The following CCSER1 variants were observed in gnomAD, a reference collection of about 807,000 sequenced individuals.
CCSER1 encodes the protein serine-rich coiled-coil domain-containing protein 1.
Under a neutral mutation model 82.0 loss-of-function variants are expected in CCSER1, and 41 were observed. The ratio of observed to expected loss-of-function variants is 0.50; its 90% confidence interval spans 0.39 to 0.65. The LOEUF (loss-of-function observed/expected upper bound fraction) is 0.65, where lower values mean the gene tolerates loss of function less well. Ranked by LOEUF, CCSER1 falls within the 30% of genes least tolerant of loss-of-function variation. CCSER1 has a pLI of 0.00. For missense variants in CCSER1, 1,119 were observed against 1,064.2 expected, an observed-to-expected ratio of 1.05 and a Z score of -0.72; for synonymous variants, 414 against 383.9, an observed-to-expected ratio of 1.08 and a Z score of -0.92.
intron 9 of CCSER1, among the ~76,000 whole-genome samples, chr4:91,042,209 T>G (rs1742020173): frequency 6.6e-6 from 1 of 152,198 alleles, no homozygotes; most frequent in Non-Finnish European, 1.5e-5. Flanking sequence ...CCCATGATGT[T>G]CTTGTTATAG....
intron 8 of CCSER1, among the ~76,000 whole-genome samples, chr4:90,878,405 G>T (rs1004528186): frequency 6.6e-6 from 1 of 151,928 alleles, no homozygotes; most frequent in Non-Finnish European, 1.5e-5. Context: ...TAATTCATTT[G>T]TACCTCTATT....
At chr4:91,367,763 A>C (rs936025828) in intron 10 of CCSER1, among the ~76,000 whole-genome samples, 1 of 152,160 alleles carries the variant, frequency 6.6e-6, no homozygotes, top group African/African-American at 2.4e-5. Flanking sequence ...CATGTGATGA[A>C]TATCCCTTTG....
At chr4:90,530,124 T>A (rs541118781) in intron 5 of CCSER1, among the ~76,000 whole-genome samples, 1 of 152,066 alleles carries the variant, frequency 6.6e-6, no homozygotes, top group Non-Finnish European at 1.5e-5. Context: ...ACCTACTAGG[T>A]GACAGACAAC....
chr4:90,244,401 A>G (rs775634944), intron 1 of CCSER1, among the ~76,000 whole-genome samples: 1 of 152,194 alleles, frequency 6.6e-6, no homozygotes, highest in Non-Finnish European at 1.5e-5. Context: ...AATTGTTTTA[A>G]TAAGGAACTG....
At chr4:90,935,168 C>G (rs1176903312) in intron 9 of CCSER1, among the ~76,000 whole-genome samples, 1 of 151,986 alleles carries the variant, frequency 6.6e-6, no homozygotes, top group Non-Finnish European at 1.5e-5. Context: ...GCCTCCAACT[C>G]TCATGCTGAA....
At position 90,648,274 on chromosome 4, in the gene CCSER1, G is replaced by GAGAGAAAGAAAGGAAAGAAAGAAAGAA. The variant is rs1323733857; in HGVS notation, c.1932+20045_1932+20046insGAAAGAAAGGAAAGAAAGAAAGAAAGA. On this transcript the variant is annotated intron_variant, in intron 6 of 10. Transcript: ENST00000509176. ...GAAAAAAAGAAGAAAGAAAGAGAGA[G>GAGAGAAAGAAAGGAAAGAAAGAAAGAA]AGAAAGAAAGGAAAGAAAGAAAGAA... Among the ~76,000 whole-genome samples, 13 of 100,798 alleles carry GAGAGAAAGAAAGGAAAGAAAGAAAGAA rather than the reference G, an allele frequency of 1.3e-4. No homozygotes were observed. The South Asian group carries it at 3.8e-3, about 30-fold the overall frequency. The allele number at this position is 100,798 out of a possible 152,430, so 66.1% of individuals were successfully genotyped here.
At chr4:90,289,400 G>C (rs1730511081) in intron 1 of CCSER1, among the ~76,000 whole-genome samples, 1 of 151,782 alleles carries the variant, frequency 6.6e-6, no homozygotes, top group Non-Finnish European at 1.5e-5. Context: ...TGAAATTATT[G>C]TGCTAGACAA....
At chr4:91,307,619 A>G (rs1260516259) in intron 10 of CCSER1, among the ~76,000 whole-genome samples, 3 of 152,008 alleles carry the variant, frequency 2.0e-5, no homozygotes, top group Non-Finnish European at 4.4e-5. Flanking sequence ...TACAATGAGT[A>G]AGAAGAAAGT....
chr4:90,479,398 C>T (rs1432776652), intron 5 of CCSER1, among the ~76,000 whole-genome samples: 2 of 152,034 alleles, frequency 1.3e-5, no homozygotes, highest in African/African-American at 4.8e-5. Flanking sequence ...TCTTTTTATA[C>T]TTTAAGTTTT....
chr4:90,715,630 CTCTGTG>C (rs1345050954), intron 6 of CCSER1, among the ~76,000 whole-genome samples: 1 of 151,966 alleles, frequency 6.6e-6, no homozygotes, highest in Non-Finnish European at 1.5e-5. Flanking sequence ...TTTCTGTCCT[CTCTGTG>C]ATTTCAGGAG....
intron 10 of CCSER1, among the ~76,000 whole-genome samples, chr4:91,107,488 C>T (rs529325158): frequency 4.6e-4 from 70 of 152,168 alleles, no homozygotes; most frequent in Non-Finnish European, 9.9e-4. Context: ...ATCTCCTGAC[C>T]TCGTGATCCA....
intron 1 of CCSER1, among the ~76,000 whole-genome samples, chr4:90,272,502 T>C (rs1726728157): frequency 6.6e-6 from 1 of 152,120 alleles, no homozygotes; most frequent in African/African-American, 2.4e-5. Context: ...AATTTGGATG[T>C]TCCTCAAAAA....
At chr4:91,022,605 A>C (rs1740098813) in intron 9 of CCSER1, among the ~76,000 whole-genome samples, 1 of 152,298 alleles carries the variant, frequency 6.6e-6, no homozygotes, top group African/African-American at 2.4e-5. Flanking sequence ...ACAATGGTTG[A>C]ACTAGTTTAC....
At chr4:91,336,909 G>A (rs1747361935) in intron 10 of CCSER1, among the ~76,000 whole-genome samples, 1 of 152,046 alleles carries the variant, frequency 6.6e-6, no homozygotes, top group African/African-American at 2.4e-5. Context: ...TGATTATGAA[G>A]TGATATGTAT....
intron 10 of CCSER1, among the ~76,000 whole-genome samples, chr4:91,211,655 C>T (rs1332196460): frequency 6.6e-6 from 1 of 152,006 alleles, no homozygotes; most frequent in Non-Finnish European, 1.5e-5. Flanking sequence ...TTAGAAATGA[C>T]TTTAGCTTTA....
At chr4:91,370,402 T>TA (rs921212015) in intron 10 of CCSER1, among the ~76,000 whole-genome samples, 16 of 152,058 alleles carry the variant, frequency 1.1e-4, no homozygotes, top group African/African-American at 3.9e-4. Context: ...TTATTTCTTT[T>TA]AAAAAAATGT....
intron 10 of CCSER1, among the ~76,000 whole-genome samples, chr4:91,542,176 G>T (rs1250683325): frequency 6.6e-6 from 1 of 152,138 alleles, no homozygotes; most frequent in Admixed American, 6.6e-5. Context: ...CATTCTGTAG[G>T]TTGCCTGTTC....
At chr4:90,668,440 A>G (rs988421484) in intron 6 of CCSER1, among the ~76,000 whole-genome samples, 4 of 152,182 alleles carry the variant, frequency 2.6e-5, no homozygotes, top group African/African-American at 9.6e-5. Context: ...TTTAGTTCAA[A>G]TTACGCGATT....
At position 90,135,595 on chromosome 4, in the gene CCSER1, A is replaced by T. The variant is rs925441929; in HGVS notation, c.-42+7764A>T. ...TATTGCCTTGCTCCTGCATAGTTAG[A>T]CTGGTTAGACTTTTTCTAAGTATTT... On this transcript the variant is annotated intron_variant, in intron 1 of 10. Transcript: ENST00000509176. Among the ~76,000 whole-genome samples, 3 of 152,164 alleles carry T rather than the reference A, an allele frequency of 2.0e-5. No individual in the cohort carries two copies. In the South Asian group the frequency reaches 6.2e-4, roughly 31 times the overall value.
Sources: gnomAD v4.1 joint callset for allele counts (sites outside exome capture counted in the v4.1 genomes callset) on GRCh38, gnomAD v4.1.1 for gene constraint, MANE v1.5 for transcripts, NCBI Gene and HGNC (gene_info 2026-07-23, HGNC 2026-07-21) for gene names.